The following AKAP7 variants were observed in gnomAD, a reference collection of about 807,000 sequenced individuals.
AKAP7 encodes A-kinase anchoring protein 7.
AKAP7 carries 39 observed loss-of-function variants against 39.5 expected under a neutral mutation model. The observed-to-expected ratio is 0.99, with a 90% CI of 0.76 to 1.29. The LOEUF is 1.29. Ranked by LOEUF, AKAP7 falls within the 50% of genes most tolerant of loss-of-function variation. The pLI is 0.00. For missense variants in AKAP7, 414 were observed against 407.7 expected (o/e 1.02, Z -0.13); for synonymous variants, 140 against 139.1 (o/e 1.01, Z -0.05).
In AKAP7 at chr6:131,265,706, G is replaced by A. The variant is rs184403807; in HGVS notation, c.851-15824G>A. Among the ~76,000 whole-genome samples, 765 of 152,258 alleles carry A rather than the reference G, an allele frequency of 5.0e-3. 10 individuals carry two copies. The highest frequency in any genetic ancestry group is 3.7e-3 in the Non-Finnish European group (254 of 68,030). ...TTGTCAGATGTGGAACAGCATTATG[G>A]TATAATGGCAAAAGTGTGATGTTTT... On this transcript the variant is annotated intron_variant, in intron 7 of 7. Coordinates refer to ENST00000431975, the MANE Select transcript of AKAP7 (RefSeq NM_016377.4).
intron 2 of AKAP7, among the ~76,000 whole-genome samples, chr6:131,156,132 T>C (rs11963881): frequency 0.035 from 5,352 of 152,244 alleles, 289 homozygotes; most frequent in African/African-American, 0.12. Context: ...CTATCTTTTG[T>C]ATTTTTTTCC....
chr6:131,207,478 C>T (rs1031251741), intron 6 of AKAP7, among the ~76,000 whole-genome samples: 1 of 105,392 alleles, frequency 9.5e-6, no homozygotes, highest in Non-Finnish European at 2.3e-5. Flanking sequence ...CACACCATGC[C>T]TGGCTAATTA....
intron 6 of AKAP7, among the ~76,000 whole-genome samples, chr6:131,216,963 C>G (rs1809241621): frequency 6.6e-6 from 1 of 152,176 alleles, no homozygotes; most frequent in South Asian, 2.1e-4. Context: ...AATCCTAACT[C>G]TTAGCCTTTA....
At chr6:131,188,717 C>CTT (rs201808987) in intron 5 of AKAP7, among the ~76,000 whole-genome samples, 22 of 138,230 alleles carry the variant, frequency 1.6e-4, no homozygotes, top group East Asian at 1.5e-3. Context: ...TTTTGTACTT[C>CTT]TTTTTTTTTT....
chr6:131,138,347 CCT>C, intron 1 of AKAP7, among the ~76,000 whole-genome samples: 1 of 152,256 alleles, frequency 6.6e-6, no homozygotes, highest in East Asian at 1.9e-4. Flanking sequence ...TACCATATTT[CCT>C]TTTTCCATTG....
chr6:131,268,475 A>G (rs9492887), intron 7 of AKAP7, among the ~76,000 whole-genome samples: 5,431 of 152,296 alleles, frequency 0.036, 306 homozygotes, highest in African/African-American at 0.12. Flanking sequence ...AACAAGTGGA[A>G]AAAAGTGTTC....
chr6:131,221,896 G>A (rs889719381), intron 7 of AKAP7, among the ~76,000 whole-genome samples: 5 of 152,170 alleles, frequency 3.3e-5, no homozygotes, highest in African/African-American at 1.2e-4. Context: ...GGAGTTTAGT[G>A]TTATTTTCAT....
chr6:131,241,437 C>G (rs9492877), intron 7 of AKAP7, among the ~76,000 whole-genome samples: 43,305 of 151,616 alleles, frequency 0.29, 6,676 homozygotes, highest in Middle Eastern at 0.39. Flanking sequence ...GTGCCCTACA[C>G]CAATTGGTGG....
chr6:131,178,379 G>T (rs533651254), intron 5 of AKAP7, among the ~76,000 whole-genome samples: 1 of 152,134 alleles, frequency 6.6e-6, no homozygotes, highest in African/African-American at 2.4e-5. Flanking sequence ...TATTGGGCAC[G>T]CAGACAATGT....
intron 6 of AKAP7, among the ~76,000 whole-genome samples, chr6:131,202,530 G>T (rs1036962555): frequency 6.6e-6 from 1 of 150,442 alleles, no homozygotes; most frequent in African/African-American, 2.5e-5. Context: ...AAACACTGCA[G>T]GTTCTCACTC....
chr6:131,163,323 T>C (rs1195805768), intron 3 of AKAP7, among the ~76,000 whole-genome samples: 4 of 152,250 alleles, frequency 2.6e-5, no homozygotes, highest in Non-Finnish European at 4.4e-5. Context: ...TTGTATCTTC[T>C]ACATGAGCAC....
chr6:131,173,827 T>G (rs1323558753), intron 5 of AKAP7, among the ~76,000 whole-genome samples: 3 of 152,230 alleles, frequency 2.0e-5, no homozygotes, highest in East Asian at 3.8e-4. Context: ...ACATTTCTAA[T>G]TACTCATTCA....
chr6:131,223,070 T>C (rs752378581), intron 7 of AKAP7, among the ~76,000 whole-genome samples: 31 of 152,236 alleles, frequency 2.0e-4, no homozygotes, highest in Non-Finnish European at 4.3e-4. Flanking sequence ...AAAGTGTATT[T>C]AAAGTAAAAT....
chr6:131,241,637 A>ATATGTGTGTGTGTGTGTGTGTGTG (rs1554217972), intron 7 of AKAP7, among the ~76,000 whole-genome samples: 1 of 78,788 alleles, frequency 1.3e-5, no homozygotes, highest in Non-Finnish European at 3.0e-5. Context: ...GTATATATAT[A>ATATGTGTGTGTGTGTGTGTGTGTG]TGACAGTTAT....
chr6:131,151,227 G>A (rs1447251045), intron 2 of AKAP7, among the ~76,000 whole-genome samples: 1 of 151,402 alleles, frequency 6.6e-6, no homozygotes, highest in Non-Finnish European at 1.5e-5. Context: ...ATTTTTAGTA[G>A]AGACAGGGTT....
chr6:131,266,345 G>A (rs1001034571), intron 7 of AKAP7, among the ~76,000 whole-genome samples: 7 of 152,102 alleles, frequency 4.6e-5, no homozygotes, highest in African/African-American at 7.2e-5. Flanking sequence ...GGAGCAGTTC[G>A]TGCACATGTG....
intron 1 of AKAP7, among the ~76,000 whole-genome samples, chr6:131,143,875 G>T (rs1239991148): frequency 7.0e-6 from 1 of 142,342 alleles, no homozygotes; most frequent in African/African-American, 2.6e-5. Flanking sequence ...AGTGAACAAA[G>T]GTCTCTGGTT....
intron 3 of AKAP7, 61 bp downstream of exon 3, chr6:131,160,259 A>G (rs1430244896): frequency 1.3e-6 from 2 of 1,529,360 alleles, no homozygotes; most frequent in African/African-American, 1.4e-5. Context: ...AAGTACAACT[A>G]AATGCTTATT....
intron 7 of AKAP7, among the ~76,000 whole-genome samples, chr6:131,277,944 A>G (rs1429797540): frequency 6.6e-6 from 1 of 152,228 alleles, no homozygotes; most frequent in Non-Finnish European, 1.5e-5. Flanking sequence ...CATCAAGCGA[A>G]GTGGAGGTAG....
Sources: gnomAD v4.1 joint callset for allele counts (sites outside exome capture counted in the v4.1 genomes callset) on GRCh38, gnomAD v4.1.1 for gene constraint, MANE v1.5 for transcripts, NCBI Gene and HGNC (gene_info 2026-07-23, HGNC 2026-07-21) for gene names.